The following ERI2 variants were observed in gnomAD, a reference collection of about 807,000 sequenced individuals.
The protein encoded by ERI2 is ERI1 exoribonuclease family member 2, also known as ERI1 exoribonuclease 2.
Under a neutral mutation model 46.8 loss-of-function variants are expected in ERI2, and 35 were observed. That is an observed-to-expected ratio of 0.75 (90% CI 0.57 to 0.99). ERI2 has a LOEUF of 0.99. ERI2 is among the 50% of genes least tolerant of loss of function. The pLI is 0.00. For missense variants in ERI2, 695 were observed against 796.2 expected, an observed-to-expected ratio of 0.87 and a Z score of 1.53; for synonymous variants, 224 against 271.0, an observed-to-expected ratio of 0.83 and a Z score of 1.70.
At chr16:20,792,120 T>C, downstream of ERI2, 4 of 1,614,162 alleles carry the variant, frequency 2.5e-6, no homozygotes, top group Non-Finnish European at 3.4e-6. Flanking sequence ...GATGTCATAT[T>C]ATCCTCTGGG....
intron 10 of ERI2, among the ~76,000 whole-genome samples, chr16:20,789,249 GCA>G (rs1004995575): frequency 2.5e-4 from 38 of 152,266 alleles, no homozygotes; most frequent in Non-Finnish European, 3.8e-4. Context: ...GCTCAATCAT[GCA>G]CAGTGTTAAA....
rs1323056757 is a variant in ERI2 at position 20,806,420 on chromosome 16, T to C, written c.11A>G (p.Lys4Arg). 3.2e-6 allele frequency: 5 copies of C among 1,552,650 alleles called. No homozygotes were observed. In the African/African-American group the frequency reaches 5.5e-5, roughly 17 times the overall value. The change falls in exon 1 of 9, where the codon AAG becomes AGG. Residue 4 changes from lysine to arginine, a missense_variant. Lys to Arg is a conservative substitution (Grantham distance 26). Transcript: ENST00000357967. MAT[K>R]RLARQLGLIR... ...CTCCCTCGAGTACCGCGCGAGCCGCTTGGTCGCCATTCCCGACACTCCTTG... is the reference window on the plus strand; with the variant it reads ...CTCCCTCGAGTACCGCGCGAGCCGCCTGGTCGCCATTCCCGACACTCCTTG...
chr16:20,791,946 C>T, downstream of ERI2: 2 of 1,570,650 alleles, frequency 1.3e-6, no homozygotes, highest in African/African-American at 1.4e-5. Context: ...AAAAAAATTC[C>T]AATTGACCAG....
At chr16:20,782,938 C>A (rs573522772) in intron 10 of ERI2, among the ~76,000 whole-genome samples, 211 of 152,350 alleles carry the variant, frequency 1.4e-3, no homozygotes, top group African/African-American at 4.9e-3. Flanking sequence ...GGGTGCACTA[C>A]CTTTCCGGCA....
chr16:20,801,381 C>CACG (rs2080793952), intron 4 of ERI2, 22 bp from the exon 5 acceptor site: 1 of 1,556,314 alleles, frequency 6.4e-7, no homozygotes, highest in Non-Finnish European at 8.7e-7. Context: ...GTCACAAAAG[C>CACG]TGAATTCAAC....
intron 10 of ERI2, among the ~76,000 whole-genome samples, chr16:20,783,028 T>C (rs1403245632): frequency 6.6e-6 from 1 of 152,154 alleles, no homozygotes; most frequent in East Asian, 1.9e-4. Context: ...ATTAAGTCAA[T>C]CTCCAGCTCC....
intron 1 of ERI2, chr16:20,806,039 T>C (rs1265744230): frequency 3.4e-6 from 4 of 1,190,176 alleles, no homozygotes; most frequent in Admixed American, 4.5e-5. Flanking sequence ...TTCGAACAGG[T>C]TGAACACCTT....
At position 20,802,909 on chromosome 16, in the gene ERI2, C is replaced by G. The variant is rs2080811505; in HGVS notation, c.190G>C (p.Val64Leu). 8.8e-6 allele frequency: 14 copies of G among 1,586,302 alleles called. No homozygotes were observed. Among genetic ancestry groups the G allele is most frequent in the Non-Finnish European group, 1.2e-5 (14 of 1,162,222 alleles). ...HSQEIIEFPA[V>L]LLNTSTGQID... ...TGTCCAGTTGATGTGTTCAGCAACA[C>G]TGCTGGAAACTCAACTAAATGAAAG... Residue 64 changes from valine to leucine, a missense_variant, in exon 4 of 9, where the codon GTG becomes CTG. By Grantham distance (32) the Val-to-Leu change is conservative. Transcript: ENST00000357967.
At position 20,800,228 on chromosome 16, in the gene ERI2, T is replaced by C. The variant is rs2080781703; in HGVS notation, c.561+74A>G. 12 of 1,047,348 alleles carry C rather than the reference T, an allele frequency of 1.1e-5. 1 individual carries two copies. In the South Asian group the frequency reaches 1.6e-4, roughly 14 times the overall value. 64.9% of individuals were successfully genotyped at this position (1,047,348 alleles called of 1,614,324 possible). A position where few individuals can be genotyped will look rare whatever the true frequency, so the allele number is the denominator to read the frequency against. ...AAAGTATCTTCTTTGCAGAAACCCA[T>C]GCCCATGTGTAGGATAAAAGTTAAT... On this transcript the variant is annotated intron_variant, in intron 6 of 8. Coordinates refer to ENST00000357967, the MANE Select transcript of ERI2 (RefSeq NM_001142725.2).
intron 10 of ERI2, among the ~76,000 whole-genome samples, chr16:20,784,009 T>C (rs2080413072): frequency 6.6e-6 from 1 of 152,190 alleles, no homozygotes; most frequent in South Asian, 2.1e-4. Flanking sequence ...TTCTGCCACG[T>C]TGGCCAGGCA....
At chr16:20,782,972 C>T (rs899859302) in intron 10 of ERI2, among the ~76,000 whole-genome samples, 4 of 152,180 alleles carry the variant, frequency 2.6e-5, no homozygotes, top group African/African-American at 9.7e-5. Flanking sequence ...AAACCTCATA[C>T]TTCAGGGATT....
At chr16:20,800,252 A>G (rs1042496572) in intron 6 of ERI2, 50 bp downstream of exon 6, 1 of 1,300,798 alleles carries the variant, frequency 7.7e-7, no homozygotes, top group Non-Finnish European at 1.1e-6. Flanking sequence ...ATAAAAGTTA[A>G]TCATTTTTCC....
At position 20,798,615 on chromosome 16, in the gene ERI2, C is replaced by T. The variant is rs530963299; in HGVS notation, c.1185G>A (p.Met395Ile). Reference protein sequence around the residue: ...PTVHHVSDLEMSSTLDCLPVL... With the variant: ...PTVHHVSDLEISSTLDCLPVL... The stretch of plus-strand genomic sequence containing the variant: ...CAGGTAAACAGTCCAGAGTAGAGCT[C>T]ATTTCCAAATCAGAAACATGATGAA... Residue 395 changes from methionine to isoleucine, a missense_variant, in exon 9 of 9, where the codon ATG (methionine) becomes ATA (isoleucine). Transcript: ENST00000357967. The T allele has an allele frequency of 6.4e-7, 1 of 1,551,626 alleles. No homozygotes were observed. Among genetic ancestry groups the T allele is most frequent in the South Asian group, 1.2e-5 (1 of 84,058 alleles).
Position 20,797,368 on chromosome 16 carries a change from G to A in ERI2, c.*356C>T. The A allele has an allele frequency of 1.0e-6, 1 of 990,768 alleles. No individual in the cohort carries two copies. The highest frequency in any genetic ancestry group is 1.2e-6 in the Non-Finnish European group (1 of 830,114). The allele number at this position is 990,768 out of a possible 1,614,324, so 61.4% of individuals were successfully genotyped here. ...AAATAAAACTAAAGAACTTATAAAA[G>A]TTTTTAGAAAAATATAAAATATCAG... On this transcript the variant is annotated 3_prime_UTR_variant, in exon 9 of 9. Transcript: ENST00000357967.
At position 20,800,144 on chromosome 16, in the gene ERI2, T is replaced by C. The variant is rs934885921; in HGVS notation, c.562-106A>G. On this transcript the variant is annotated intron_variant, in intron 6 of 8. Transcript: ENST00000357967. ...TTCTATTAGATTTAGAATGTGCTTA[T>C]TTTTTGTGTGTTGTTTTTAAATACT... The C allele has an allele frequency of 9.0e-6, 8 of 893,656 alleles. No individual in the cohort carries two copies. The African/African-American group carries it at 1.4e-4, about 15-fold the overall frequency. 55.4% of individuals were successfully genotyped at this position (893,656 alleles called of 1,614,324 possible). A position where few individuals can be genotyped will look rare whatever the true frequency, so the allele number is the denominator to read the frequency against.
At chr16:20,788,589 G>GAACACA (rs2080526415) in intron 10 of ERI2, among the ~76,000 whole-genome samples, 1 of 152,188 alleles carries the variant, frequency 6.6e-6, no homozygotes, top group Admixed American at 6.6e-5. Flanking sequence ...ATCTGGGGAT[G>GAACACA]TGTTCCAACC....
chr16:20,799,736 C>A, intron 7 of ERI2: 2 of 477,972 alleles, frequency 4.2e-6, no homozygotes, highest in Non-Finnish European at 7.5e-6. Context: ...TCTTTTCATT[C>A]TTCTTAGCAA....
intron 10 of ERI2, among the ~76,000 whole-genome samples, chr16:20,785,662 T>C (rs547308767): frequency 6.6e-6 from 1 of 152,018 alleles, no homozygotes; most frequent in East Asian, 1.9e-4. Context: ...AGGAGTAAGA[T>C]GAAATAGATA....
chr16:20,792,036 G>A (rs2080611132), downstream of ERI2: 8 of 1,613,982 alleles, frequency 5.0e-6, no homozygotes, highest in African/African-American at 1.3e-5. Flanking sequence ...ACTCTACGAG[G>A]CAATTTCTAT....
Sources: allele counts gnomAD v4.1 joint callset (sites outside exome capture counted in the v4.1 genomes callset), GRCh38; gene constraint gnomAD v4.1.1; transcripts MANE v1.5; gene names NCBI Gene and HGNC (gene_info 2026-07-23, HGNC 2026-07-21).